LRRIQ1: variants seen among roughly 807,000 people sequenced by gnomAD.
LRRIQ1 encodes the protein leucine rich repeats and IQ motif containing 1, also known as leucine-rich repeat- and IQ domain-containing protein 1.
Under a neutral mutation model 211.9 loss-of-function variants are expected in LRRIQ1, and 210 were observed. That is an observed-to-expected ratio of 0.99 (90% CI 0.89 to 1.11). The LOEUF is 1.11. Ranked by LOEUF, LRRIQ1 falls within the 50% of genes most tolerant of loss-of-function variation. The pLI is 0.00. For synonymous variants in LRRIQ1, 699 were observed against 650.1 expected, an observed-to-expected ratio of 1.08 and a Z score of -1.14; for missense variants, 2,136 against 1,939.5, an observed-to-expected ratio of 1.10 and a Z score of -1.90.
intron 19 of LRRIQ1, among the ~76,000 whole-genome samples, chr12:85,144,157 C>T (rs11116728): frequency 0.24 from 36,249 of 151,392 alleles, 4,920 homozygotes; most frequent in African/African-American, 0.34. Flanking sequence ...TAAGTGAGAA[C>T]ATGCAGTATT....
intron 11 of LRRIQ1, among the ~76,000 whole-genome samples, chr12:85,074,193 G>A (rs1469764925): frequency 6.6e-6 from 1 of 151,798 alleles, no homozygotes; most frequent in Non-Finnish European, 1.5e-5. Context: ...ATCTTTTTAA[G>A]GCAATTTATT....
At chr12:85,193,087 ATTATATATAT>A (rs1388025912) in intron 24 of LRRIQ1, among the ~76,000 whole-genome samples, 13 of 119,454 alleles carry the variant, frequency 1.1e-4, no homozygotes, top group Admixed American at 8.2e-4. Flanking sequence ...ATTATATATA[ATTATATATAT>A]TTATATATAA....
chr12:85,158,326 G>A (rs1182596434), intron 23 of LRRIQ1, among the ~76,000 whole-genome samples: 4 of 151,516 alleles, frequency 2.6e-5, no homozygotes, highest in African/African-American at 9.7e-5. Context: ...CTTATATTTG[G>A]GAAAATTTAA....
Position 85,047,321 on chromosome 12 carries a change from A to G in LRRIQ1, c.529A>G (p.Lys177Glu), listed in dbSNP as rs770083715. Reference sequence around the variant, plus strand: ...ACAGTCTTTTGAGGCTTGGCAAGAGAAACAGAAGGAATTAGAAGATAAAGA... The same window carrying G: ...ACAGTCTTTTGAGGCTTGGCAAGAGGAACAGAAGGAATTAGAAGATAAAGA... Reference protein sequence around the residue: ...CRQSFEAWQEKQKELEDKEKQ... With the variant: ...CRQSFEAWQEEQKELEDKEKQ... Residue 177 changes from lysine (K) to glutamate (E), a missense_variant, in exon 6 of 27, where the codon AAA becomes GAA. Physicochemically the swap from Lys to Glu is moderately conservative, Grantham distance 56. Coordinates refer to ENST00000393217, the MANE Select transcript of LRRIQ1 (RefSeq NM_001079910.2). 1.2e-6 allele frequency: 2 copies of G among 1,612,316 alleles called. No homozygotes were observed. Among genetic ancestry groups the G allele is most frequent in the Non-Finnish European group, 1.7e-6 (2 of 1,179,072 alleles).
intron 13 of LRRIQ1, among the ~76,000 whole-genome samples, chr12:85,102,955 A>ATATATATAT (rs1555207722): frequency 8.1e-4 from 97 of 119,324 alleles, no homozygotes; most frequent in African/African-American, 3.3e-3. Context: ...AAAAAAAAAA[A>ATATATATAT]AAAAATATAT....
At chr12:85,244,643 C>A in intron 26 of LRRIQ1, 146 bp from the exon 27 acceptor site, 1 of 708,602 alleles carries the variant, frequency 1.4e-6, no homozygotes. Flanking sequence ...ATTTGTTCTG[C>A]CTGGGCAGCA....
At chr12:85,215,921 A>G (rs1435507591) in intron 24 of LRRIQ1, among the ~76,000 whole-genome samples, 1 of 152,218 alleles carries the variant, frequency 6.6e-6, no homozygotes, top group East Asian at 1.9e-4. Flanking sequence ...AAGCTATAAT[A>G]TAGTGCTTAA....
chr12:85,122,100 A>T (rs368437909), intron 16 of LRRIQ1, among the ~76,000 whole-genome samples: 1 of 152,178 alleles, frequency 6.6e-6, no homozygotes, highest in Non-Finnish European at 1.5e-5. Context: ...ACAATATTAG[A>T]TAAAGAAAAT....
rs1886123778 is a variant in LRRIQ1 at position 85,098,870 on chromosome 12, C to T, written c.3085C>T (p.Pro1029Ser). 7 of 1,551,678 alleles carry T rather than the reference C, an allele frequency of 4.5e-6. No homozygotes were observed. The highest frequency in any genetic ancestry group is 6.1e-6 in the Non-Finnish European group (7 of 1,148,114). Residue 1029 changes from proline (P) to serine (S), a missense_variant, in exon 13 of 27, where the codon CCA (proline) becomes TCA (serine). Transcript: ENST00000393217. ...AATGAACCAAATTTAAATATAGCTTCCATCCTTGGAGAATCTTGTTTTACT... is the reference window on the plus strand; with the variant it reads ...AATGAACCAAATTTAAATATAGCTTTCATCCTTGGAGAATCTTGTTTTACT... ...KLQGNYLSELPSLENLVLLRE... is the reference protein window; with the variant it reads ...KLQGNYLSELSSLENLVLLRE...
chr12:85,213,966 C>G (rs1174197387), intron 24 of LRRIQ1, among the ~76,000 whole-genome samples: 1 of 151,756 alleles, frequency 6.6e-6, no homozygotes, highest in Admixed American at 6.6e-5. Flanking sequence ...ACAGATGATA[C>G]CAACTGTAAA....
intron 11 of LRRIQ1, among the ~76,000 whole-genome samples, chr12:85,081,953 C>T (rs1334901579): frequency 1.3e-5 from 2 of 151,936 alleles, no homozygotes; most frequent in Admixed American, 6.6e-5. Context: ...AAACTCCTGA[C>T]CTCAAGTCAT....
At chr12:85,049,011 A>AT (rs1277285646) in intron 6 of LRRIQ1, among the ~76,000 whole-genome samples, 1 of 152,150 alleles carries the variant, frequency 6.6e-6, no homozygotes, top group African/African-American at 2.4e-5. Flanking sequence ...ATTATAACTT[A>AT]TTTTTTTGAA....
intron 11 of LRRIQ1, among the ~76,000 whole-genome samples, chr12:85,090,208 CA>C (rs1419105911): frequency 6.6e-6 from 1 of 152,192 alleles, no homozygotes; most frequent in African/African-American, 2.4e-5. Context: ...GCCTAGGTAT[CA>C]GAGGATGTAT....
At chr12:85,248,688 T>G (rs1027876855), downstream of LRRIQ1, among the ~76,000 whole-genome samples, 2 of 151,764 alleles carry the variant, frequency 1.3e-5, no homozygotes. Flanking sequence ...ACAGAAAACA[T>G]TGTTCAGAAG....
intron 24 of LRRIQ1, among the ~76,000 whole-genome samples, chr12:85,168,412 G>A (rs572415649): frequency 1.1e-4 from 16 of 152,252 alleles, no homozygotes; most frequent in African/African-American, 3.4e-4. Context: ...TCCCTTGTTA[G>A]CCTATTGACT....
intron 15 of LRRIQ1, among the ~76,000 whole-genome samples, chr12:85,118,205 G>T (rs576890901): frequency 1.5e-4 from 23 of 152,030 alleles, no homozygotes; most frequent in Non-Finnish European, 2.5e-4. Context: ...GTGGCAAATA[G>T]GGTAGTTTAT....
intron 18 of LRRIQ1, among the ~76,000 whole-genome samples, chr12:85,131,342 A>C (rs893142858): frequency 6.6e-5 from 10 of 152,052 alleles, no homozygotes; most frequent in African/African-American, 2.4e-4. Flanking sequence ...ACAGCACCCA[A>C]GTCACCTCAT....
At chr12:85,243,313 T>TTTA (rs10682844) in intron 26 of LRRIQ1, among the ~76,000 whole-genome samples, 49,457 of 140,508 alleles carry the variant, frequency 0.35, 9,149 homozygotes, top group Admixed American at 0.45. Context: ...ATGTATAACT[T>TTTA]TTATTATTAT....
In LRRIQ1 at chr12:85,230,668, A is replaced by G. The variant is rs546223506; in HGVS notation, c.4955+1019A>G. Among the ~76,000 whole-genome samples, 8 of 152,330 alleles carry G rather than the reference A, an allele frequency of 5.3e-5. No individual in the cohort carries two copies. In the South Asian group the frequency reaches 8.3e-4, roughly 16 times the overall value. The stretch of plus-strand genomic sequence containing the variant: ...GATTTAAGGAAATAAAAGTCCAGAG[A>G]TGATATTTTTACATAGGTTTTCAAG... On this transcript the variant is annotated intron_variant, in intron 25 of 26. Transcript: ENST00000393217.
Sources: gnomAD v4.1 joint callset for allele counts (sites outside exome capture counted in the v4.1 genomes callset) on GRCh38, gnomAD v4.1.1 for gene constraint, MANE v1.5 for transcripts, NCBI Gene and HGNC (gene_info 2026-07-23, HGNC 2026-07-21) for gene names.